Variants in TNS3 observed in about 807,000 individuals in gnomAD.
TNS3 encodes the protein tensin-3.
A neutral mutation model predicts 140.9 loss-of-function variants in TNS3; 45 were observed. The observed-to-expected ratio is 0.32, with a 90% confidence interval of 0.25 to 0.41. The LOEUF is 0.41. Ranked by LOEUF, TNS3 falls within the 10% of genes least tolerant of loss-of-function variation. The probability of loss-of-function intolerance (pLI) is 1.00; values close to 1 mark genes in which losing one functional copy is unlikely to be tolerated. For synonymous variants in TNS3, 815 were observed against 788.4 expected (o/e 1.03, Z -0.56); for missense variants, 1,716 against 1,906.7 (o/e 0.90, Z 1.86).
intron 8 of TNS3, among the ~76,000 whole-genome samples, chr7:47,434,013 C>G (rs560151310): frequency 2.8e-4 from 43 of 151,728 alleles, no homozygotes; most frequent in African/African-American, 9.9e-4. Flanking sequence ...TTTGGTGGTC[C>G]TAATGGGTGT....
intron 4 of TNS3, among the ~76,000 whole-genome samples, chr7:47,462,661 G>A (rs116739356): frequency 1.3e-3 from 200 of 152,220 alleles, no homozygotes; most frequent in African/African-American, 4.6e-3. Context: ...CCAGGACCAG[G>A]CTTGCCCACC....
chr7:47,327,259 CA>C (rs76471888), intron 20 of TNS3, among the ~76,000 whole-genome samples: 3,335 of 152,360 alleles, frequency 0.022, 256 homozygotes, highest in East Asian at 0.18. Context: ...TCAGTGAATG[CA>C]TGGGTTTTTG....
intron 15 of TNS3, among the ~76,000 whole-genome samples, chr7:47,397,697 A>G (rs896805068): frequency 2.0e-5 from 3 of 152,234 alleles, no homozygotes; most frequent in Non-Finnish European, 4.4e-5. Context: ...TGTTAAGAGG[A>G]AAGTTTATAG....
In TNS3 at chr7:47,417,433, A is replaced by C. The variant is rs543051599; in HGVS notation, c.474-2227T>G. 5.3e-5 allele frequency among the ~76,000 whole-genome samples: 8 copies of C among 152,374 alleles called. No homozygotes were observed. In the East Asian group the frequency reaches 1.5e-3, roughly 29 times the overall value. On this transcript the variant is annotated intron_variant, in intron 10 of 30. Coordinates refer to ENST00000311160, the MANE Select transcript of TNS3 (RefSeq NM_022748.12). ...TTGCCACGAGCTCCCAAAGAAGGCC[A>C]AAGTCCAGGGCCACAAGCCCAGTAG...
At chr7:47,284,506 T>C (rs555592583) in intron 27 of TNS3, among the ~76,000 whole-genome samples, 97 of 152,328 alleles carry the variant, frequency 6.4e-4, no homozygotes, top group African/African-American at 2.3e-3. Flanking sequence ...CTGGGCTCCA[T>C]AACAACCCTT....
At chr7:47,414,107 G>A (rs1332920892) in intron 11 of TNS3, 110 bp from the exon 12 acceptor site, 5 of 1,143,352 alleles carry the variant, frequency 4.4e-6, no homozygotes, top group East Asian at 4.8e-5. Context: ...CTGCACCTGC[G>A]GCCTTTGAGG....
At chr7:47,564,453 T>C (rs1432382042) in intron 1 of TNS3, among the ~76,000 whole-genome samples, 1 of 151,666 alleles carries the variant, frequency 6.6e-6, no homozygotes. Flanking sequence ...CTGACCAACA[T>C]GGTGAAATCC....
At chr7:47,481,700 C>T (rs553649229) in intron 3 of TNS3, 1 of 985,248 alleles carries the variant, frequency 1.0e-6, no homozygotes, top group Non-Finnish European at 1.2e-6. Context: ...GACTTTGACT[C>T]CACCATAGTC....
At chr7:47,539,520 T>C (rs944292531) in intron 1 of TNS3, 2 of 251,712 alleles carry the variant, frequency 7.9e-6, no homozygotes, top group Admixed American at 9.9e-5. Flanking sequence ...AGGCTTGCAA[T>C]CTAGGCTCTT....
At position 47,473,750 on chromosome 7, in the gene TNS3, A is replaced by T. The variant is rs540459589; in HGVS notation, c.-76+7353T>A. On this transcript the variant is annotated intron_variant, in intron 4 of 30. Coordinates refer to ENST00000311160, the MANE Select transcript of TNS3 (RefSeq NM_022748.12). ...AGACCCACATAGGTCACCTGGATCC[A>T]CTGTCCCAGATCACTGGATGCTCAG... is the stretch of plus-strand genomic sequence containing the variant. Among the ~76,000 whole-genome samples, 7 of 152,306 alleles carry T rather than the reference A, an allele frequency of 4.6e-5. No homozygotes were observed. The East Asian group carries it at 1.3e-3, about 29-fold the overall frequency.
At position 47,542,926 on chromosome 7, in the gene TNS3, CA is replaced by C. The variant is rs33935034; in HGVS notation, c.-264-13780del. On this transcript the variant is annotated intron_variant, in intron 1 of 30. Coordinates refer to ENST00000311160, the MANE Select transcript of TNS3 (RefSeq NM_022748.12). ...ACCACGGGGAACAGTGCAAGACTGT[CA>C]AAAAAAAAAAAAAAAGGCACTTTGC... Among the ~76,000 whole-genome samples, 1,319 of 135,118 alleles carry C rather than the reference CA, an allele frequency of 9.8e-3. 29 individuals are homozygous for C. Among genetic ancestry groups the C allele is most frequent in the African/African-American group, 0.034 (1,229 of 36,046 alleles). 88.6% of individuals were successfully genotyped at this position (135,118 alleles called of 152,430 possible). A position where few individuals can be genotyped will look rare whatever the true frequency, so the allele number is the denominator to read the frequency against.
At position 47,353,717 on chromosome 7, in the gene TNS3, C is replaced by T. The variant is rs149657906; in HGVS notation, c.2282-7361G>A. On this transcript the variant is annotated intron_variant, in intron 17 of 30. Coordinates refer to ENST00000311160, the MANE Select transcript of TNS3 (RefSeq NM_022748.12). ...AGCACCTGAAGCAGTCTCTTCCTGT[C>T]CCCTAGCCTCCCTCCTACCACAGCC... Among the ~76,000 whole-genome samples, 228 of 152,270 alleles carry T rather than the reference C, an allele frequency of 1.5e-3. 1 individual carries two copies. The highest frequency in any genetic ancestry group is 5.3e-3 in the African/African-American group (222 of 41,562).
chr7:47,515,896 C>T lies in TNS3; in HGVS notation c.-152-8952G>A, dbSNP rs535741637. The stretch of plus-strand genomic sequence containing the variant: ...TTTCATGTGTATTTACCCTGCTATT[C>T]CTCACAATGACTCTAAGCAGAAAGA... On this transcript the variant is annotated intron_variant, in intron 2 of 30. Transcript: ENST00000311160. Among the ~76,000 whole-genome samples the T allele has an allele frequency of 3.9e-5, 6 of 152,320 alleles. No individual in the cohort carries two copies. The South Asian group carries it at 1.2e-3, about 32-fold the overall frequency.
intron 4 of TNS3, among the ~76,000 whole-genome samples, chr7:47,473,964 G>C (rs563187558): frequency 1.3e-5 from 2 of 152,278 alleles, no homozygotes; most frequent in East Asian, 3.9e-4. Flanking sequence ...CTCCATCACG[G>C]TCACTGGGGC....
At position 47,303,369 on chromosome 7, in the gene TNS3, G is replaced by A. The variant is rs752257573; in HGVS notation, c.3038C>T (p.Pro1013Leu). The change falls in exon 22 of 31, where the codon CCT becomes CTT. Residue 1013 changes from proline to leucine, a missense_variant. Transcript: ENST00000311160. Reference protein sequence around the residue: ...SLAEPPDSLAPPSSQAFLGFG... With the variant: ...SLAEPPDSLALPSSQAFLGFG... ...GCCCAGGAAGGCCTGGCTGCTGGGA[G>A]GCGCCAGGGAGTCCGGTGGCTCTGC... 6.2e-7 allele frequency: 1 copy of A among 1,613,626 alleles called. No individual in the cohort carries two copies. The highest frequency in any genetic ancestry group is 1.3e-5 in the African/African-American group (1 of 74,946).
At chr7:47,524,670 C>G (rs925069751) in intron 2 of TNS3, among the ~76,000 whole-genome samples, 3 of 149,592 alleles carry the variant, frequency 2.0e-5, no homozygotes, top group African/African-American at 7.5e-5. Flanking sequence ...GGCGCGGTGG[C>G]GGGCGCCTGT....
At chr7:47,568,068 G>A (rs1016723185) in intron 1 of TNS3, among the ~76,000 whole-genome samples, 3 of 152,190 alleles carry the variant, frequency 2.0e-5, no homozygotes, top group Admixed American at 6.5e-5. Flanking sequence ...CACTCTGGGA[G>A]CTCCCCCAAG....
At chr7:47,464,958 C>T (rs988480679) in intron 4 of TNS3, among the ~76,000 whole-genome samples, 2 of 152,228 alleles carry the variant, frequency 1.3e-5, no homozygotes, top group Non-Finnish European at 2.9e-5. Context: ...TCTTGAATCA[C>T]AATCTGTGCT....
intron 1 of TNS3, among the ~76,000 whole-genome samples, chr7:47,548,581 C>G (rs1415975220): frequency 6.6e-6 from 1 of 152,192 alleles, no homozygotes; most frequent in Non-Finnish European, 1.5e-5. Context: ...GTCGCTGTGA[C>G]CCCGTGCCCT....
Sources: gnomAD v4.1 joint callset for allele counts (sites outside exome capture counted in the v4.1 genomes callset) on GRCh38, gnomAD v4.1.1 for gene constraint, MANE v1.5 for transcripts, NCBI Gene and HGNC (gene_info 2026-07-23, HGNC 2026-07-21) for gene names.